The following SUGCT variants were observed in gnomAD, a reference collection of about 807,000 sequenced individuals.
The protein encoded by SUGCT is succinyl-CoA:glutarate-CoA transferase.
A neutral mutation model predicts 55.0 loss-of-function variants in SUGCT; 41 were observed. That is an observed-to-expected ratio of 0.74 (90% CI 0.58 to 0.97). SUGCT has a LOEUF of 0.97. Ranked by LOEUF, SUGCT falls within the 50% of genes least tolerant of loss-of-function variation. The probability of loss-of-function intolerance (pLI) is 0.00; values close to 1 mark genes in which losing one functional copy is unlikely to be tolerated. For synonymous variants in SUGCT, 187 were observed against 200.4 expected (o/e 0.93, Z 0.56); for missense variants, 568 against 547.8 (o/e 1.04, Z -0.37).
At chr7:40,188,252 G>A (rs985057534) in intron 3 of SUGCT, among the ~76,000 whole-genome samples, 6 of 151,956 alleles carry the variant, frequency 3.9e-5, no homozygotes, top group African/African-American at 1.4e-4. Flanking sequence ...TGGCCAACAT[G>A]GTGAAATCCT....
chr7:40,193,312 T>G (rs1584305896), intron 5 of SUGCT, among the ~76,000 whole-genome samples: 3 of 114,204 alleles, frequency 2.6e-5, no homozygotes, highest in African/African-American at 6.9e-5. Context: ...TGAGATGGAG[T>G]CTCACTCTGT....
At chr7:40,180,321 T>C (rs1785125520) in intron 1 of SUGCT, among the ~76,000 whole-genome samples, 2 of 152,028 alleles carry the variant, frequency 1.3e-5, no homozygotes, top group Non-Finnish European at 2.9e-5. Flanking sequence ...ATTTACCAAG[T>C]TGGCCAGGCT....
intron 13 of SUGCT, among the ~76,000 whole-genome samples, chr7:40,824,201 C>A (rs1319040319): frequency 6.7e-6 from 1 of 148,278 alleles, no homozygotes; most frequent in East Asian, 2.2e-4. Flanking sequence ...AAACCATATT[C>A]CTTGCTCAAA....
the SUGCT span, among the ~76,000 whole-genome samples, chr7:40,962,775 A>C: frequency 3.9e-5 from 6 of 152,100 alleles, no homozygotes; most frequent in Non-Finnish European, 8.8e-5. Flanking sequence ...CTCCGGGTTG[A>C]CTTTTGATAA....
the SUGCT span, among the ~76,000 whole-genome samples, chr7:40,873,355 TGAC>T: frequency 6.6e-6 from 1 of 152,194 alleles, no homozygotes; most frequent in Non-Finnish European, 1.5e-5. Flanking sequence ...CCCTAATTGT[TGAC>T]TCTATAGACC....
the SUGCT span, among the ~76,000 whole-genome samples, chr7:40,952,044 G>A: frequency 1.3e-5 from 2 of 152,172 alleles, no homozygotes; most frequent in South Asian, 4.1e-4. Flanking sequence ...TCTAATGTTG[G>A]CAGTGGGGTG....
intron 8 of SUGCT, among the ~76,000 whole-genome samples, chr7:40,303,692 G>A (rs1033999454): frequency 2.6e-5 from 4 of 152,160 alleles, no homozygotes; most frequent in Non-Finnish European, 5.9e-5. Flanking sequence ...AAAGACCTGT[G>A]CAAGTTAGCT....
At chr7:40,745,101 C>G (rs969812479) in intron 12 of SUGCT, among the ~76,000 whole-genome samples, 1 of 152,146 alleles carries the variant, frequency 6.6e-6, no homozygotes, top group Non-Finnish European at 1.5e-5. Flanking sequence ...TAAGTGCTAT[C>G]GTGTTTGTTG....
chr7:40,325,898 C>CTTTTTTTTTTTTTTTTTTTTTTT (rs71560191), intron 9 of SUGCT, among the ~76,000 whole-genome samples: 1 of 122,180 alleles, frequency 8.2e-6, no homozygotes. Flanking sequence ...GGATGTGCGT[C>CTTTTTTTTTTTTTTTTTTTTTTT]TTTTTTTTTT....
chr7:40,158,215 T>A (rs954279530), intron 1 of SUGCT, among the ~76,000 whole-genome samples: 3 of 149,950 alleles, frequency 2.0e-5, no homozygotes, highest in South Asian at 2.1e-4. Flanking sequence ...AAAAAAAAAA[T>A]GTGATATTTT....
chr7:40,203,412 A>T (rs1026317482), intron 6 of SUGCT, among the ~76,000 whole-genome samples: 2 of 152,226 alleles, frequency 1.3e-5, no homozygotes, highest in Non-Finnish European at 2.9e-5. Flanking sequence ...TTTTTCAGGT[A>T]GTAAGGATTA....
intron 8 of SUGCT, among the ~76,000 whole-genome samples, chr7:40,289,832 A>G (rs1793620420): frequency 6.6e-6 from 1 of 152,070 alleles, no homozygotes; most frequent in Admixed American, 6.5e-5. Context: ...TCAATGTACA[A>G]AAATCACAAG....
chr7:40,591,542 T>C (rs4723972), intron 12 of SUGCT, among the ~76,000 whole-genome samples: 24,096 of 152,232 alleles, frequency 0.16, 2,683 homozygotes, highest in African/African-American at 0.31. Context: ...AGGGAATTGA[T>C]GCCAATTTTG....
chr7:40,235,891 C>A (rs1405883647), intron 6 of SUGCT, among the ~76,000 whole-genome samples: 2 of 152,082 alleles, frequency 1.3e-5, no homozygotes, highest in African/African-American at 4.8e-5. Flanking sequence ...GCTGGAGAAA[C>A]AAGGCTTGCA....
intron 4 of SUGCT, 146 bp from the exon 5 acceptor site, chr7:40,189,398 C>CTTTTTTTTTTTTTTTTTTTTTTT (rs771275549): frequency 4.2e-5 from 6 of 143,912 alleles, no homozygotes; most frequent in African/African-American, 1.9e-4. Flanking sequence ...AATACACATA[C>CTTTTTTTTTTTTTTTTTTTTTTT]TTTTTTTTTT....
the SUGCT span, among the ~76,000 whole-genome samples, chr7:40,917,170 CTT>C: frequency 6.6e-6 from 1 of 152,186 alleles, no homozygotes; most frequent in Non-Finnish European, 1.5e-5. Flanking sequence ...TGGGGGAAGA[CTT>C]TGGACAAAAA....
intron 8 of SUGCT, among the ~76,000 whole-genome samples, chr7:40,279,175 C>T (rs1185882251): frequency 6.6e-6 from 1 of 151,860 alleles, no homozygotes; most frequent in Admixed American, 6.6e-5. Flanking sequence ...CCGTATTATT[C>T]CAAAAAGTTT....
At chr7:40,872,824 T>C in the SUGCT span, among the ~76,000 whole-genome samples, 2 of 152,208 alleles carry the variant, frequency 1.3e-5, no homozygotes, top group Non-Finnish European at 2.9e-5. Flanking sequence ...AGTTAAGAAA[T>C]ATCAAGTGAG....
chr7:40,964,122 G>A, the SUGCT span, among the ~76,000 whole-genome samples: 1 of 152,140 alleles, frequency 6.6e-6, no homozygotes, highest in Non-Finnish European at 1.5e-5. Flanking sequence ...ATCAATCCTT[G>A]CTCAAGAAGG....
Sources: gnomAD v4.1 joint callset for allele counts (sites outside exome capture counted in the v4.1 genomes callset) on GRCh38, gnomAD v4.1.1 for gene constraint, MANE v1.5 for transcripts, NCBI Gene and HGNC (gene_info 2026-07-23, HGNC 2026-07-21) for gene names.